GSE1: variants seen among roughly 807,000 people sequenced by gnomAD.
GSE1 encodes the protein genetic suppressor element 1.
In GSE1, 32 loss-of-function variants were observed where a neutral mutation model predicts 112.6. The ratio of observed to expected loss-of-function variants is 0.28; its 90% CI spans 0.21 to 0.38. The LOEUF (loss-of-function observed/expected upper bound fraction) is 0.38. Ranked by LOEUF, GSE1 falls within the 10% of genes least tolerant of loss-of-function variation. The pLI, the probability that GSE1 is intolerant of heterozygous loss-of-function variation, is 1.00. For synonymous variants in GSE1, 1,115 were observed against 735.6 expected (o/e 1.52, Z -8.35); for missense variants, 2,348 against 1,699.2 (o/e 1.38, Z -6.71).
Position 85,483,611 on chromosome 16 carries a change from G to A in GSE1, c.2464+125968G>A, listed in dbSNP as rs146925197. Among the ~76,000 whole-genome samples, 855 of 152,406 alleles carry A rather than the reference G, an allele frequency of 5.6e-3. 6 individuals carry two copies. The highest frequency in any genetic ancestry group is 0.019 in the African/African-American group (809 of 41,604). On this transcript the variant is annotated intron_variant, in intron 2 of 2. Coordinates refer to the GSE1 transcript ENST00000637419. ...TGTCTCCGCCCTCTTGGTAGGCCCTGTGGGATCAAGTGTCTCCGAGGCGGC... is the reference window on the plus strand; with the variant it reads ...TGTCTCCGCCCTCTTGGTAGGCCCTATGGGATCAAGTGTCTCCGAGGCGGC...
chr16:85,502,162 A>C (rs1319393607), intron 2 of GSE1, among the ~76,000 whole-genome samples: 1 of 152,052 alleles, frequency 6.6e-6, no homozygotes, highest in Non-Finnish European at 1.5e-5. Flanking sequence ...ATGGGATGGA[A>C]CTGCCCAGCT....
chr16:85,253,699 G>A (rs1906760517), intron 1 of GSE1, among the ~76,000 whole-genome samples: 1 of 152,250 alleles, frequency 6.6e-6, no homozygotes, highest in South Asian at 2.1e-4. Flanking sequence ...TGGAGGAAGA[G>A]TTAGCCAGGG....
intron 2 of GSE1, among the ~76,000 whole-genome samples, chr16:85,531,576 C>T (rs376978277): frequency 5.5e-4 from 83 of 152,210 alleles, no homozygotes; most frequent in African/African-American, 1.9e-3. Context: ...TGGCACCTTA[C>T]ACAGAATGTT....
intron 2 of GSE1, among the ~76,000 whole-genome samples, chr16:85,391,987 C>A (rs1206524847): frequency 2.0e-5 from 3 of 152,092 alleles, no homozygotes; most frequent in African/African-American, 7.2e-5. Flanking sequence ...GTGGATACCT[C>A]CCCATCGTCC....
At chr16:85,643,270 G>A (rs1234945358) in intron 2 of GSE1, among the ~76,000 whole-genome samples, 2 of 152,188 alleles carry the variant, frequency 1.3e-5, no homozygotes, top group Admixed American at 6.5e-5. Flanking sequence ...GTTAATTACA[G>A]CAATCACAGA....
intron 1 of GSE1, among the ~76,000 whole-genome samples, chr16:85,270,075 A>ATG (rs945247995): frequency 6.7e-6 from 1 of 149,108 alleles, no homozygotes; most frequent in African/African-American, 2.4e-5. Context: ...TCCTCCTTCC[A>ATG]TGCGGCTATG....
chr16:85,667,843 G>T (rs367883632), intron 13 of GSE1, among the ~76,000 whole-genome samples: 1 of 152,166 alleles, frequency 6.6e-6, no homozygotes, highest in Non-Finnish European at 1.5e-5. Context: ...GCTACCCAGA[G>T]GACTGAGGGC....
chr16:85,307,027 A>T (rs2045697733), intron 1 of GSE1, among the ~76,000 whole-genome samples: 1 of 152,122 alleles, frequency 6.6e-6, no homozygotes, highest in African/African-American at 2.4e-5. Context: ...CTTGCAGGTG[A>T]GGGCAGGTTG....
At chr16:85,479,948 C>G (rs2875950) in intron 2 of GSE1, among the ~76,000 whole-genome samples, 9,418 of 152,212 alleles carry the variant, frequency 0.062, 486 homozygotes, top group African/African-American at 0.14. Context: ...TGTTCAGATT[C>G]AGATCTGAGG....
chr16:85,260,512 G>A (rs909555025), intron 1 of GSE1, among the ~76,000 whole-genome samples: 3 of 151,760 alleles, frequency 2.0e-5, no homozygotes, highest in African/African-American at 4.8e-5. Context: ...TAATAGAGAC[G>A]GGGCTTCACT....
At chr16:85,616,351 G>A (rs917162855) in intron 1 of GSE1, among the ~76,000 whole-genome samples, 5 of 152,244 alleles carry the variant, frequency 3.3e-5, no homozygotes, top group African/African-American at 1.2e-4. Context: ...AGGGCTGGCT[G>A]CTACCTTTTC....
At chr16:85,633,018 C>T (rs2049673532) in intron 1 of GSE1, among the ~76,000 whole-genome samples, 1 of 151,806 alleles carries the variant, frequency 6.6e-6, no homozygotes, top group African/African-American at 2.4e-5. Flanking sequence ...TCTGGTGCCG[C>T]CGCCGCCGCC....
At chr16:85,206,136 T>C (rs371879044) in intron 1 of GSE1, among the ~76,000 whole-genome samples, 4 of 142,572 alleles carry the variant, frequency 2.8e-5, no homozygotes, top group Admixed American at 1.4e-4. Context: ...ATCCCAGTTC[T>C]GAACGATAAG....
intron 1 of GSE1, among the ~76,000 whole-genome samples, chr16:85,324,260 A>G (rs4783162): frequency 0.52 from 79,728 of 152,116 alleles, 24,973 homozygotes; most frequent in East Asian, 0.81. Flanking sequence ...CTGTAATCCC[A>G]TCACTTTGAG....
intron 1 of GSE1, among the ~76,000 whole-genome samples, chr16:85,331,712 T>TATAG (rs2046377022): frequency 1.1e-5 from 1 of 92,324 alleles, no homozygotes; most frequent in African/African-American, 4.4e-5. Flanking sequence ...TATATATTTT[T>TATAG]TTTTTTTTTT....
intron 2 of GSE1, among the ~76,000 whole-genome samples, chr16:85,412,735 G>C (rs1198067618): frequency 6.0e-5 from 9 of 151,146 alleles, no homozygotes; most frequent in Admixed American, 5.9e-4. Flanking sequence ...CAGGCCCCCC[G>C]GATAATCCTC....
At chr16:85,180,229 A>G (rs1314074089) in intron 1 of GSE1, among the ~76,000 whole-genome samples, 5 of 152,210 alleles carry the variant, frequency 3.3e-5, no homozygotes, top group African/African-American at 1.2e-4. Flanking sequence ...GGAGTGGCAC[A>G]AAGGCCGGGG....
intron 2 of GSE1, among the ~76,000 whole-genome samples, chr16:85,459,981 A>T (rs566971756): frequency 6.6e-6 from 1 of 152,172 alleles, no homozygotes; most frequent in East Asian, 1.9e-4. Flanking sequence ...TTCTGCCAGA[A>T]AGCAGACCCT....
At chr16:85,239,504 C>G (rs146218700) in intron 1 of GSE1, among the ~76,000 whole-genome samples, 1 of 152,194 alleles carries the variant, frequency 6.6e-6, no homozygotes, top group Non-Finnish European at 1.5e-5. Flanking sequence ...TGCCCTGAGT[C>G]CCCCTGGGCT....
Sources: allele counts gnomAD v4.1 joint callset (sites outside exome capture counted in the v4.1 genomes callset), GRCh38; gene constraint gnomAD v4.1.1; transcripts MANE v1.5; gene names NCBI Gene and HGNC (gene_info 2026-07-23, HGNC 2026-07-21).